Variants in FUT8 observed in about 807,000 individuals in gnomAD.
FUT8 encodes the protein fucosyltransferase 8.
A neutral mutation model predicts 71.3 loss-of-function variants in FUT8; 29 were observed. The ratio of observed to expected loss-of-function variants is 0.41; its 90% CI spans 0.30 to 0.55. The LOEUF is 0.55. Among genes scored for constraint, FUT8 ranks in the 20% least tolerant of loss-of-function variants. The pLI is 0.34. For missense variants in FUT8, 544 were observed against 702.1 expected (o/e 0.77, Z 2.55); for synonymous variants, 254 against 239.3 (o/e 1.06, Z -0.57).
At chr14:65,666,308 T>A (rs901744303) in intron 6 of FUT8, among the ~76,000 whole-genome samples, 16 of 152,080 alleles carry the variant, frequency 1.1e-4, no homozygotes, top group Non-Finnish European at 1.0e-4. Context: ...TATTTTATGA[T>A]TTTTGGTACT....
intron 6 of FUT8, among the ~76,000 whole-genome samples, chr14:65,665,493 G>T (rs533066020): frequency 1.3e-5 from 2 of 152,182 alleles, no homozygotes; most frequent in African/African-American, 4.8e-5. Context: ...GCTGGTGGGA[G>T]TGTAAATTAG....
At chr14:65,599,322 C>T (rs1888175213) in intron 3 of FUT8, among the ~76,000 whole-genome samples, 1 of 152,138 alleles carries the variant, frequency 6.6e-6, no homozygotes, top group Admixed American at 6.5e-5. Context: ...TGTTTCCCCC[C>T]ATCTCCCTAT....
chr14:65,603,387 G>A lies in FUT8; in HGVS notation c.204-12591G>A, dbSNP rs1888409837. Among the ~76,000 whole-genome samples, 1 of 151,778 alleles carries A rather than the reference G, an allele frequency of 6.6e-6. No homozygotes were observed. The highest frequency in any genetic ancestry group is 2.1e-4 in the South Asian group (1 of 4,774). The stretch of plus-strand genomic sequence containing the variant: ...TGTTTCGGTGACTTACGGCCGTATA[G>A]TATGGTTTGAAATCAGGTAGTGTGA... On this transcript the variant is annotated intron_variant, in intron 3 of 10. Transcript: ENST00000673929. This position sits in a 1 kb window ranked among gnomAD's most constrained non-coding sequence, Gnocchi z 4.5.
At chr14:65,630,844 T>C in intron 6 of FUT8, among the ~76,000 whole-genome samples, 1 of 152,220 alleles carries the variant, frequency 6.6e-6, no homozygotes, top group East Asian at 1.9e-4. Context: ...GAAATGACCT[T>C]GGAACATCCT....
rs550551153 is a variant in FUT8, at chr14:65,550,322, A to T, written c.-227-11015A>T. The stretch of plus-strand genomic sequence containing the variant: ...AGTTGAAAGTATCATGAGTCGCAAT[A>T]TGTTTAATACACCTAATCTGAACAT... On this transcript the variant is annotated intron_variant, in intron 2 of 10. Coordinates refer to ENST00000673929, the MANE Select transcript of FUT8 (RefSeq NM_001371533.1). The surrounding 1 kb of genome is among the most constrained non-coding windows in gnomAD (Gnocchi z 4.5). 3.9e-5 allele frequency among the ~76,000 whole-genome samples: 6 copies of T among 152,328 alleles called. No homozygotes were observed. In the South Asian group the frequency reaches 1.2e-3, roughly 32 times the overall value.
chr14:65,693,097 G>T (rs551968305), intron 7 of FUT8, among the ~76,000 whole-genome samples: 87 of 152,228 alleles, frequency 5.7e-4, no homozygotes, highest in Non-Finnish European at 1.1e-3. Flanking sequence ...TCACTTCCCA[G>T]ACGGGGTGGC....
chr14:65,698,373 T>A (rs1265596119), intron 7 of FUT8, among the ~76,000 whole-genome samples: 1 of 152,198 alleles, frequency 6.6e-6, no homozygotes, highest in African/African-American at 2.4e-5. Flanking sequence ...ACAAGAATAA[T>A]ATCTCTTTTC....
At chr14:65,713,811 T>C (rs1247613005) in intron 7 of FUT8, among the ~76,000 whole-genome samples, 2 of 152,216 alleles carry the variant, frequency 1.3e-5, no homozygotes, top group Non-Finnish European at 2.9e-5. Flanking sequence ...TGCAAATATT[T>C]TCTCCCATTC....
Position 65,508,491 on chromosome 14 carries a change from G to GGTTT in FUT8, c.-228+52773_-228+52774insGTTT, listed in dbSNP as rs1555366315. ...AATTTTTTCCTGTAGAGTTGTTTGA[G>GGTTT]TTTTTTTTTTTTTTTTTTTTTTTTT... On this transcript the variant is annotated intron_variant, in intron 2 of 10. Transcript: ENST00000673929. Among the ~76,000 whole-genome samples the GGTTT allele has an allele frequency of 4.1e-4, 19 of 46,492 alleles. 1 individual carries two copies. The highest frequency in any genetic ancestry group is 1.5e-3 in the African/African-American group (18 of 11,830). 30.5% of individuals were successfully genotyped at this position (46,492 alleles called of 152,430 possible).
At chr14:65,397,057 C>T in the FUT8 span, among the ~76,000 whole-genome samples, 1 of 152,298 alleles carries the variant, frequency 6.6e-6, no homozygotes, top group African/African-American at 2.4e-5. This position sits in a 1 kb window ranked among gnomAD's most constrained non-coding sequence, Gnocchi z 4.2. Context: ...TATAGGGTTG[C>T]TCTCCTCATA....
chr14:65,367,325 A>G, the FUT8 span, among the ~76,000 whole-genome samples: 1 of 152,212 alleles, frequency 6.6e-6, no homozygotes, highest in Non-Finnish European at 1.5e-5. Context: ...AGAAAGCCTC[A>G]GTGGGATGAG....
chr14:65,648,492 G>A (rs1343111389), intron 6 of FUT8, among the ~76,000 whole-genome samples: 1 of 152,110 alleles, frequency 6.6e-6, no homozygotes. Context: ...TAGACATCAG[G>A]AGTTATGTAA....
At chr14:65,459,702 T>C (rs762010327) in intron 2 of FUT8, among the ~76,000 whole-genome samples, 1 of 152,068 alleles carries the variant, frequency 6.6e-6, no homozygotes. Context: ...TTTCTTATTT[T>C]AAAAAAAGGC....
At chr14:65,597,094 T>A (rs1446814551) in intron 3 of FUT8, among the ~76,000 whole-genome samples, 1 of 152,200 alleles carries the variant, frequency 6.6e-6, no homozygotes, top group Non-Finnish European at 1.5e-5. Context: ...ATGGTACTAT[T>A]GTTATTTTCA....
At chr14:65,406,411 T>G (rs181159916), upstream of FUT8, among the ~76,000 whole-genome samples, 1 of 152,376 alleles carries the variant, frequency 6.6e-6, no homozygotes, top group Non-Finnish European at 1.5e-5. Context: ...GCACTGGCTT[T>G]TGAGAAAATA....
intron 3 of FUT8, among the ~76,000 whole-genome samples, chr14:65,612,237 T>C (rs888037705): frequency 1.3e-5 from 2 of 152,208 alleles, no homozygotes; most frequent in Non-Finnish European, 2.9e-5. Flanking sequence ...TGTTCTGGGA[T>C]GTAGTTATGT....
intron 3 of FUT8, among the ~76,000 whole-genome samples, chr14:65,576,356 T>C (rs1374132926): frequency 6.6e-6 from 1 of 152,128 alleles, no homozygotes; most frequent in Non-Finnish European, 1.5e-5. Context: ...ACTAACAAGG[T>C]TTGTGTGAAC....
chr14:65,476,939 A>G (rs987172390), intron 2 of FUT8, among the ~76,000 whole-genome samples: 2 of 152,126 alleles, frequency 1.3e-5, no homozygotes, highest in Non-Finnish European at 2.9e-5. Context: ...CCATTAGGAA[A>G]TTTTCACTGT....
intron 2 of FUT8, among the ~76,000 whole-genome samples, chr14:65,470,779 G>A (rs932635639): frequency 8.5e-5 from 13 of 152,086 alleles, no homozygotes; most frequent in African/African-American, 3.1e-4. Context: ...GCTGGTCCCT[G>A]AAGTGGGCAC....
Sources: allele counts gnomAD v4.1 joint callset (sites outside exome capture counted in the v4.1 genomes callset), GRCh38; gene constraint gnomAD v4.1.1; non-coding constraint Gnocchi (gnomAD v3.1); transcripts MANE v1.5; gene names NCBI Gene and HGNC (gene_info 2026-07-23, HGNC 2026-07-21).